Variants in CAB39L observed in about 807,000 individuals in gnomAD.
CAB39L encodes the protein calcium binding protein 39 like.
In CAB39L, 23 loss-of-function variants were observed where a neutral mutation model predicts 39.1. The observed-to-expected ratio is 0.59, with a 90% confidence interval of 0.42 to 0.83. CAB39L has a LOEUF of 0.83. Ranked by LOEUF, CAB39L falls within the 40% of genes least tolerant of loss-of-function variation. The pLI is 0.00. For missense variants in CAB39L, 366 were observed against 391.9 expected, an observed-to-expected ratio of 0.93 and a Z score of 0.56; for synonymous variants, 126 against 137.2, an observed-to-expected ratio of 0.92 and a Z score of 0.57.
At chr13:49,329,547 ATATATATATAT>A (rs1954619245) in intron 10 of CAB39L, among the ~76,000 whole-genome samples, 1,175 of 33,072 alleles carry the variant, frequency 0.036, 124 homozygotes, top group South Asian at 0.086. Context: ...AAAAAAAAAT[ATATATATATAT>A]ATATATATAT....
chr13:49,377,877 C>A (rs1340974478), intron 4 of CAB39L, among the ~76,000 whole-genome samples: 6 of 78,042 alleles, frequency 7.7e-5, no homozygotes, highest in Non-Finnish European at 1.3e-4. Context: ...GGAGCGTCTC[C>A]GCCCGGCCGC....
intron 9 of CAB39L, 102 bp downstream of exon 9, chr13:49,339,575 A>T: frequency 8.4e-7 from 1 of 1,187,156 alleles, no homozygotes; most frequent in African/African-American, 1.6e-5. Flanking sequence ...TAAAAAAAGG[A>T]TATTTTAATT....
intron 3 of CAB39L, among the ~76,000 whole-genome samples, chr13:49,429,108 T>C (rs1042458496): frequency 7.2e-5 from 11 of 152,132 alleles, no homozygotes; most frequent in Admixed American, 6.5e-4. Context: ...CTAAAGCAAA[T>C]ATTATTATGT....
intron 3 of CAB39L, among the ~76,000 whole-genome samples, chr13:49,405,451 G>C (rs1956850917): frequency 6.6e-6 from 1 of 152,096 alleles, no homozygotes; most frequent in African/African-American, 2.4e-5. Context: ...CAGTCTGAAA[G>C]AAAAGGACAT....
In CAB39L at chr13:49,441,221, GTA is replaced by G. The variant is rs59783079; in HGVS notation, c.-246+2763_-246+2764del. ...GATGATTTTCTTATAATGATTTAGT[GTA>G]TATATATATATATATATATATTCCC... On this transcript the variant is annotated intron_variant, in intron 1 of 10. Transcript: ENST00000409308. 2.4e-3 allele frequency among the ~76,000 whole-genome samples: 288 copies of G among 121,230 alleles called. 1 individual carries two copies. The highest frequency in any genetic ancestry group is 7.8e-3 in the Middle Eastern group (2 of 258). The allele number at this position is 121,230 out of a possible 152,430, so 79.5% of individuals were successfully genotyped here.
intron 7 of CAB39L, among the ~76,000 whole-genome samples, chr13:49,348,087 G>A (rs1955233815): frequency 6.6e-6 from 1 of 152,126 alleles, no homozygotes; most frequent in African/African-American, 2.4e-5. Flanking sequence ...GCTGAATGGA[G>A]GCCTGTGGAC....
intron 7 of CAB39L, among the ~76,000 whole-genome samples, chr13:49,349,827 A>G (rs942664478): frequency 6.6e-6 from 1 of 152,142 alleles, no homozygotes; most frequent in African/African-American, 2.4e-5. Context: ...ATTGATACCA[A>G]CTTCAAAATA....
chr13:49,393,077 G>A (rs926715845), intron 3 of CAB39L: 11 of 151,926 alleles, frequency 7.2e-5, no homozygotes, highest in Non-Finnish European at 1.6e-4. Context: ...TGTGATCAAT[G>A]CACTAAAATA....
intron 10 of CAB39L, among the ~76,000 whole-genome samples, chr13:49,314,242 C>T (rs1954088209): frequency 6.6e-6 from 1 of 152,102 alleles, no homozygotes; most frequent in South Asian, 2.1e-4. Flanking sequence ...TCAAATTCCA[C>T]CTCTCCTACA....
chr13:49,343,153 C>T (rs796269793), intron 8 of CAB39L, among the ~76,000 whole-genome samples: 8 of 152,244 alleles, frequency 5.3e-5, no homozygotes, highest in African/African-American at 1.9e-4. Context: ...CTGTATAATG[C>T]TGCTTCTATT....
chr13:49,377,135 G>T lies in CAB39L; in HGVS notation c.112-4C>A, dbSNP rs370126914. 1 of 1,612,034 alleles carries T rather than the reference G, an allele frequency of 6.2e-7. No homozygotes were observed. Among genetic ancestry groups the T allele is most frequent in the Admixed American group, 1.7e-5 (1 of 59,880 alleles). ...ATTTAGACACTTCTTCTGAAGCCTAGTGACCAAAACGTATGCTAACGGTTA... is the reference window on the plus strand; with the variant it reads ...ATTTAGACACTTCTTCTGAAGCCTATTGACCAAAACGTATGCTAACGGTTA... On this transcript the variant is annotated splice_region_variant and splice_polypyrimidine_tract_variant and intron_variant, in intron 4 of 10. Transcript: ENST00000409308.
chr13:49,338,275 G>C (rs1198773760), intron 9 of CAB39L, among the ~76,000 whole-genome samples: 1 of 151,740 alleles, frequency 6.6e-6, no homozygotes, highest in Non-Finnish European at 1.5e-5. Context: ...TGATAGACTG[G>C]ATTAAGAAAA....
At chr13:49,435,285 T>G (rs2138742572) in intron 1 of CAB39L, among the ~76,000 whole-genome samples, 1 of 152,304 alleles carries the variant, frequency 6.6e-6, no homozygotes, top group Non-Finnish European at 1.5e-5. Context: ...TTTTAGTTAT[T>G]TCCAATCTTT....
At chr13:49,332,239 C>A (rs1954722766) in intron 9 of CAB39L, 149 bp from the exon 10 acceptor site, 2 of 867,106 alleles carry the variant, frequency 2.3e-6, no homozygotes, top group Non-Finnish European at 3.4e-6. Flanking sequence ...CATCTCAAAG[C>A]ACAGGCATAA....
rs760846081 is a variant in CAB39L at position 49,332,051 on chromosome 13, T to C, written c.730A>G (p.Ile244Val). 6.8e-6 allele frequency: 11 copies of C among 1,614,190 alleles called. No individual in the cohort carries two copies. In the Admixed American group the frequency reaches 1.8e-4, roughly 27 times the overall value. ...GGCTTGCTGATATACTTTGTCATGA[T>C]GGCAAAGTTGTGACGGTCCAGGATC... is the stretch of plus-strand genomic sequence containing the variant. Reference protein sequence around the residue: ...ELILDRHNFAIMTKYISKPEN... With the variant: ...ELILDRHNFAVMTKYISKPEN... Residue 244 changes from isoleucine to valine, a missense_variant, in exon 10 of 11, where the codon ATC becomes GTC. Ile to Val is a conservative substitution (Grantham distance 29). Coordinates refer to ENST00000409308, the MANE Select transcript of CAB39L (RefSeq NM_001079670.3).
chr13:49,310,984 C>T lies in CAB39L; in HGVS notation c.844G>A (p.Ala282Thr). 6.2e-7 allele frequency: 1 copy of T among 1,613,016 alleles called. No homozygotes were observed. The highest frequency in any genetic ancestry group is 8.5e-7 in the Non-Finnish European group (1 of 1,179,368). ...EAFHVFKVFV[A>T]SPHKTQPIVE... ...ATAGGCTGTGTTTTGTGAGGACTGG[C>T]CACAAACACCTGAAACAAAAAGAAA... The change falls in exon 11 of 11, where the codon GCC becomes ACC. Residue 282 changes from alanine (A) to threonine (T), a missense_variant. Physicochemically the swap from Ala to Thr is moderately conservative, Grantham distance 58. Coordinates refer to ENST00000409308, the MANE Select transcript of CAB39L (RefSeq NM_001079670.3).
At chr13:49,436,505 A>G (rs950373650) in intron 1 of CAB39L, among the ~76,000 whole-genome samples, 1 of 145,622 alleles carries the variant, frequency 6.9e-6, no homozygotes, top group Non-Finnish European at 1.5e-5. Context: ...ATTCAGTCCA[A>G]TCTTTTCTTA....
chr13:49,421,486 G>C (rs1394729517), intron 3 of CAB39L, among the ~76,000 whole-genome samples: 1 of 152,148 alleles, frequency 6.6e-6, no homozygotes, highest in Non-Finnish European at 1.5e-5. Flanking sequence ...ATCTGCGCTA[G>C]TGGAGACCAC....
rs201100340 is a variant in CAB39L, at chr13:49,332,078, G to A, written c.703C>T (p.Leu235=). The part of the protein sequence containing the change: ...KRQSLKLLGE[L]ILDRHNFAIM... ...GCAAAGTTGTGACGGTCCAGGATCAGCTCCCCTAGCAGCTAGAGGAAAACA... is the reference window on the plus strand; with the variant it reads ...GCAAAGTTGTGACGGTCCAGGATCAACTCCCCTAGCAGCTAGAGGAAAACA... The change falls in exon 10 of 11, where the codon CTG becomes TTG. Residue 235 remains leucine, a synonymous_variant. Transcript: ENST00000409308. 75 of 1,613,812 alleles carry A rather than the reference G, an allele frequency of 4.6e-5. No individual in the cohort carries two copies. In the Admixed American group the frequency reaches 1.2e-3, roughly 27 times the overall value.
Sources: allele counts gnomAD v4.1 joint callset (sites outside exome capture counted in the v4.1 genomes callset), GRCh38; gene constraint gnomAD v4.1.1; transcripts MANE v1.5; gene names NCBI Gene and HGNC (gene_info 2026-07-23, HGNC 2026-07-21).